Variants in DGKK observed in about 807,000 individuals in gnomAD.
The protein encoded by DGKK is diacylglycerol kinase kappa.
Under a neutral mutation model 92.2 loss-of-function variants are expected in DGKK, and 35 were observed. The ratio of observed to expected loss-of-function variants is 0.38; its 90% CI spans 0.29 to 0.50. DGKK has a LOEUF of 0.50. DGKK is among the 20% of genes least tolerant of loss of function. DGKK has a pLI of 0.92. For synonymous variants in DGKK, 368 were observed against 360.6 expected (o/e 1.02, Z -0.23); for missense variants, 910 against 992.2 (o/e 0.92, Z 1.11).
intron 15 of DGKK, among the ~76,000 whole-genome samples, chrX:50,386,122 A>G (rs1557224930): frequency 8.1e-5 from 9 of 111,737 alleles, no homozygotes; most frequent in Non-Finnish European, 1.7e-4. Flanking sequence ...GTTTCCAAAA[A>G]TGAGTAGCAG....
chrX:50,440,015 G>A (rs782806937), intron 1 of DGKK, among the ~76,000 whole-genome samples: 2 of 111,621 alleles, frequency 1.8e-5, no homozygotes, highest in Admixed American at 9.5e-5. Flanking sequence ...GAACCCAAGT[G>A]TTTGTATCTC....
Position 50,368,732 on chromosome X carries a change from G to A in DGKK, c.*208C>T, listed in dbSNP as rs1231577791. On this transcript the variant is annotated 3_prime_UTR_variant, in exon 28 of 28. Transcript: ENST00000611977. The stretch of plus-strand genomic sequence containing the variant: ...GAAGGAGAACTGAACAAGACAACTC[G>A]GAACAAGAACCTTTGGCCAATGAGG... 6 of 377,372 alleles carry A rather than the reference G, an allele frequency of 1.6e-5. No individual in the cohort carries two copies. Among genetic ancestry groups the A allele is most frequent in the East Asian group, 1.3e-4 (3 of 23,685 alleles). 31.1% of individuals were successfully genotyped at this position (377,372 alleles called of 1,213,427 possible). A position where few individuals can be genotyped will look rare whatever the true frequency, so the allele number is the denominator to read the frequency against.
At chrX:50,436,158 C>T (rs1404753412) in intron 1 of DGKK, among the ~76,000 whole-genome samples, 1 of 111,955 alleles carries the variant, frequency 8.9e-6, no homozygotes, top group Non-Finnish European at 1.9e-5. Context: ...AAAGCTGTAC[C>T]AATGTGAATG....
chrX:50,396,626 C>T (rs1248709094), intron 8 of DGKK, among the ~76,000 whole-genome samples: 1 of 110,680 alleles, frequency 9.0e-6, no homozygotes, highest in African/African-American at 3.3e-5. Flanking sequence ...GATGGGAAGA[C>T]AGTGGGACAT....
At chrX:50,391,838 T>C (rs1394742183) in intron 10 of DGKK, among the ~76,000 whole-genome samples, 2 of 112,214 alleles carry the variant, frequency 1.8e-5, no homozygotes, top group East Asian at 5.6e-4. Context: ...TTCATGGCCA[T>C]GCTTAAAGAA....
At chrX:50,438,665 A>T (rs1330186910) in intron 1 of DGKK, among the ~76,000 whole-genome samples, 1 of 111,856 alleles carries the variant, frequency 8.9e-6, no homozygotes, top group Non-Finnish European at 1.9e-5. Context: ...CACCTGGGAA[A>T]GACAGTGGAC....
At chrX:50,453,598 A>G (rs1926541505) in intron 1 of DGKK, among the ~76,000 whole-genome samples, 1 of 111,652 alleles carries the variant, frequency 9.0e-6, no homozygotes, top group Non-Finnish European at 1.9e-5. Context: ...ACAAACAGAC[A>G]TATACAGGAA....
At chrX:50,454,838 A>T (rs1206622626) in intron 1 of DGKK, among the ~76,000 whole-genome samples, 1 of 111,924 alleles carries the variant, frequency 8.9e-6, no homozygotes, top group Non-Finnish European at 1.9e-5. Context: ...TTGGCAGTTC[A>T]AGTTTTATCT....
At position 50,393,309 on chromosome X, in the gene DGKK, A is replaced by T; in HGVS notation, c.1438T>A (p.Trp480Arg). The T allele has an allele frequency of 8.3e-7, 1 of 1,208,677 alleles. No homozygotes were observed. Among genetic ancestry groups the T allele is most frequent in the Non-Finnish European group, 1.1e-6 (1 of 893,893 alleles). Residue 480 changes from tryptophan (W) to arginine (R), a missense_variant, in exon 9 of 28, where the codon TGG (tryptophan) becomes AGG (arginine). Coordinates refer to ENST00000611977, the MANE Select transcript of DGKK (RefSeq NM_001013742.4). ...DGQLVVSSDF[W>R]NLDWSSACSC... ...CAGGCTGATGACCAATCAAGATTCC[A>T]GAAGTCTGAAGATACTACTAATTGG...
Position 50,384,836 on chromosome X carries a change from A to G in DGKK, c.2348-12T>C. 1 of 1,151,648 alleles carries G rather than the reference A, an allele frequency of 8.7e-7. No individual in the cohort carries two copies. Among genetic ancestry groups the G allele is most frequent in the African/African-American group, 1.8e-5 (1 of 56,260 alleles). The allele number at this position is 1,151,648 out of a possible 1,213,427, so 94.9% of individuals were successfully genotyped here. A position where few individuals can be genotyped will look rare whatever the true frequency, so the allele number is the denominator to read the frequency against. On this transcript the variant is annotated splice_polypyrimidine_tract_variant and intron_variant, in intron 15 of 27. Coordinates refer to ENST00000611977, the MANE Select transcript of DGKK (RefSeq NM_001013742.4). Reference sequence around the variant, plus strand: ...TTCCTCATCCAGAGCTATAGAGAAAAGTGGGAGGAAGGAAAGCAAAAAAGA... The same window carrying G: ...TTCCTCATCCAGAGCTATAGAGAAAGGTGGGAGGAAGGAAAGCAAAAAAGA...
chrX:50,392,171 T>C (rs1158851396), intron 10 of DGKK, among the ~76,000 whole-genome samples, 170 bp downstream of exon 10: 1 of 112,216 alleles, frequency 8.9e-6, no homozygotes, highest in Non-Finnish European at 1.9e-5. Context: ...CAGAAAACAG[T>C]GTAGATGAGT....
chrX:50,371,165 C>T (rs1043401557), intron 26 of DGKK, among the ~76,000 whole-genome samples: 26 of 112,538 alleles, frequency 2.3e-4, no homozygotes, highest in African/African-American at 6.8e-4. Flanking sequence ...CTAAAGTATG[C>T]TTGTTTTACT....
intron 11 of DGKK, among the ~76,000 whole-genome samples, chrX:50,390,774 A>G: frequency 8.9e-6 from 1 of 112,049 alleles, no homozygotes; most frequent in South Asian, 3.8e-4. Flanking sequence ...TGATGTTTTT[A>G]AAAAGCTCCC....
At chrX:50,447,348 TA>T (rs1344719059) in intron 1 of DGKK, among the ~76,000 whole-genome samples, 465 of 10,218 alleles carry the variant, frequency 0.046, 41 homozygotes, top group African/African-American at 0.22. Flanking sequence ...ATATATTATA[TA>T]TATATATAAT....
At chrX:50,441,058 G>A (rs782753352) in intron 1 of DGKK, among the ~76,000 whole-genome samples, 28 of 111,332 alleles carry the variant, frequency 2.5e-4, no homozygotes, top group African/African-American at 8.8e-4. Flanking sequence ...ACTTCTCCAG[G>A]TCTTTCTCAC....
chrX:50,397,950 G>A (rs1924896770), intron 8 of DGKK, among the ~76,000 whole-genome samples: 1 of 110,776 alleles, frequency 9.0e-6, no homozygotes, highest in Admixed American at 9.7e-5. Context: ...AGTGGGAAGA[G>A]GCCATTACAG....
intron 15 of DGKK, 104 bp from the exon 16 acceptor site, chrX:50,384,928 T>G: frequency 5.3e-6 from 3 of 566,363 alleles, no homozygotes; most frequent in Non-Finnish European, 8.5e-6. Context: ...TAATTACACT[T>G]ATTGAACATT....
chrX:50,445,716 A>T (rs1182108391), intron 1 of DGKK, among the ~76,000 whole-genome samples: 1 of 111,163 alleles, frequency 9.0e-6, no homozygotes, highest in South Asian at 3.8e-4. Context: ...GAGTAACGTG[A>T]TGTCTCCAGC....
rs139781317 is a variant in DGKK at position 50,398,090 on chromosome X, T to C, written c.1411+2947A>G. On this transcript the variant is annotated intron_variant, in intron 8 of 27. Coordinates refer to ENST00000611977, the MANE Select transcript of DGKK (RefSeq NM_001013742.4). ...GGAATTCTCAGAAATTAGAGTCTAC[T>C]GACTGAATAAATATATACGTGAACA... Among the ~76,000 whole-genome samples, 955 of 111,611 alleles carry C rather than the reference T, an allele frequency of 8.6e-3. 6 individuals are homozygous for C. The highest frequency in any genetic ancestry group is 0.033 in the Middle Eastern group (7 of 214).
Sources: allele counts gnomAD v4.1 joint callset (sites outside exome capture counted in the v4.1 genomes callset), GRCh38; gene constraint gnomAD v4.1.1; transcripts MANE v1.5; gene names NCBI Gene and HGNC (gene_info 2026-07-23, HGNC 2026-07-21).